CTNNAL1: variants seen among roughly 807,000 people sequenced by gnomAD.
CTNNAL1 encodes alpha-catulin.
Under a neutral mutation model 93.6 loss-of-function variants are expected in CTNNAL1, and 69 were observed. The ratio of observed to expected loss-of-function variants is 0.74; its 90% CI spans 0.61 to 0.90. CTNNAL1 has a LOEUF of 0.90. Among genes scored for constraint, CTNNAL1 ranks in the 40% least tolerant of loss-of-function variants. CTNNAL1 has a pLI of 0.00. For synonymous variants in CTNNAL1, 286 were observed against 305.4 expected (o/e 0.94, Z 0.66); for missense variants, 836 against 862.0 (o/e 0.97, Z 0.38).
intron 11 of CTNNAL1, among the ~76,000 whole-genome samples, chr9:108,958,085 CAA>C (rs903694050): frequency 4.6e-5 from 4 of 87,448 alleles, no homozygotes; most frequent in Admixed American, 1.2e-4. Flanking sequence ...AAAAAAAAAA[CAA>C]AGTGGGAAAG....
chr9:108,972,864 GA>G, intron 8 of CTNNAL1, 31 bp from the exon 9 acceptor site: 371 of 142,304 alleles, frequency 2.6e-3, no homozygotes, highest in Middle Eastern at 3.8e-3. Context: ...GGGGGGGTGG[GA>G]GGGTGGAGAA....
chr9:108,993,186 G>C (rs1479977734), intron 2 of CTNNAL1, among the ~76,000 whole-genome samples: 1 of 152,218 alleles, frequency 6.6e-6, no homozygotes, highest in Non-Finnish European at 1.5e-5. Context: ...GCAGTAAGCA[G>C]GTGCCAAGGC....
At chr9:108,964,842 T>TATTTA (rs1830911140) in intron 11 of CTNNAL1, among the ~76,000 whole-genome samples, 8 of 136,206 alleles carry the variant, frequency 5.9e-5, no homozygotes, top group African/African-American at 2.4e-4. Flanking sequence ...ATGCTGTTTG[T>TATTTA]TTTATTTATT....
chr9:109,010,892 T>C (rs1247762745), intron 1 of CTNNAL1, among the ~76,000 whole-genome samples: 1 of 152,220 alleles, frequency 6.6e-6, no homozygotes, highest in Non-Finnish European at 1.5e-5. Flanking sequence ...TCTGAGCTTT[T>C]AGAGTATGTA....
chr9:109,008,165 T>TC (rs1411500287), intron 1 of CTNNAL1, among the ~76,000 whole-genome samples: 2 of 144,210 alleles, frequency 1.4e-5, no homozygotes, highest in African/African-American at 5.1e-5. Context: ...TTTTTTTTTT[T>TC]TTTTTTTTTT....
At chr9:108,943,630 G>T in intron 17 of CTNNAL1, 73 bp downstream of exon 17, 1 of 1,300,190 alleles carries the variant, frequency 7.7e-7, no homozygotes, top group Non-Finnish European at 1.1e-6. Context: ...GGTACTAACA[G>T]TTTATTTGAA....
intron 1 of CTNNAL1, among the ~76,000 whole-genome samples, chr9:109,001,101 G>C (rs1339017658): frequency 6.6e-6 from 1 of 150,410 alleles, no homozygotes; most frequent in Non-Finnish European, 1.5e-5. Flanking sequence ...GAACCCAGGA[G>C]GTGGGTGTTG....
intron 11 of CTNNAL1, among the ~76,000 whole-genome samples, chr9:108,963,806 G>A (rs976646266): frequency 1.3e-5 from 2 of 152,198 alleles, no homozygotes; most frequent in African/African-American, 4.8e-5. Flanking sequence ...ATGCCCAGAA[G>A]TCGAAAGTAC....
At chr9:108,986,363 T>G (rs1046178886) in intron 4 of CTNNAL1, among the ~76,000 whole-genome samples, 2 of 148,622 alleles carry the variant, frequency 1.3e-5, no homozygotes, top group African/African-American at 4.9e-5. Context: ...GAACTCATCA[T>G]TTTTTATGGC....
Position 108,955,787 on chromosome 9 carries a change from T to C in CTNNAL1, c.1629+3A>G. 1 of 1,601,678 alleles carries C rather than the reference T, an allele frequency of 6.2e-7. No homozygotes were observed. The highest frequency in any genetic ancestry group is 1.7e-5 in the Admixed American group (1 of 58,520). On this transcript the variant is annotated splice_donor_region_variant and intron_variant, in intron 12 of 18. Coordinates refer to ENST00000325551, the MANE Select transcript of CTNNAL1 (RefSeq NM_003798.4). The stretch of plus-strand genomic sequence containing the variant: ...CTGCAATGTACATAATTCTTCTACT[T>C]ACCATTGGCTTTGGAAGTGAAAGGT...
chr9:108,992,150 C>G, intron 3 of CTNNAL1: 2 of 676,974 alleles, frequency 3.0e-6, no homozygotes, highest in East Asian at 2.6e-5. Flanking sequence ...TCATAGTGCT[C>G]ACCTTTTCTT....
chr9:109,001,444 G>A (rs1826825315), intron 1 of CTNNAL1, among the ~76,000 whole-genome samples: 1 of 152,170 alleles, frequency 6.6e-6, no homozygotes, highest in South Asian at 2.1e-4. Context: ...CTCCACATGA[G>A]TGTGGACTGG....
chr9:108,973,018 G>A (rs1345967574), intron 8 of CTNNAL1, among the ~76,000 whole-genome samples, 185 bp from the exon 9 acceptor site: 1 of 152,324 alleles, frequency 6.6e-6, no homozygotes, highest in African/African-American at 2.4e-5. Flanking sequence ...AGTTCCCTGT[G>A]TAACAGTAGG....
chr9:108,991,466 A>G (rs989685686), intron 3 of CTNNAL1, among the ~76,000 whole-genome samples: 4 of 152,364 alleles, frequency 2.6e-5, no homozygotes, highest in African/African-American at 9.6e-5. Flanking sequence ...CAAAGTAAAT[A>G]GATGTGAAAC....
chr9:108,996,133 T>C (rs1388460061), intron 2 of CTNNAL1, among the ~76,000 whole-genome samples: 1 of 152,018 alleles, frequency 6.6e-6, no homozygotes, highest in Non-Finnish European at 1.5e-5. Flanking sequence ...TGGCTATTTT[T>C]TTTTCTTATG....
In CTNNAL1 at chr9:108,990,744, C is replaced by CA. The variant is rs768131509; in HGVS notation, c.620dup (p.Ser208GlufsTer4). 1 of 1,613,146 alleles carries CA rather than the reference C, an allele frequency of 6.2e-7. No homozygotes were observed. Among genetic ancestry groups the CA allele is most frequent in the Non-Finnish European group, 8.5e-7 (1 of 1,179,738 alleles). On this transcript the variant is annotated frameshift_variant, in exon 4 of 19. Transcript: ENST00000325551. LOFTEE classifies it high-confidence loss of function. Reference sequence around the variant, plus strand: ...TACATACATTTTGTCTATCTCCACTCAGATGTGCAAACTCCACCATTTCAT... The same window carrying CA: ...TACATACATTTTGTCTATCTCCACTCAAGATGTGCAAACTCCACCATTTCAT...
chr9:108,988,815 C>T (rs969895690), intron 4 of CTNNAL1, among the ~76,000 whole-genome samples: 2 of 152,164 alleles, frequency 1.3e-5, no homozygotes, highest in African/African-American at 2.4e-5. Context: ...ATCCTCAACA[C>T]CTAGTGTAGT....
chr9:108,960,473 C>T (rs2132110612), intron 11 of CTNNAL1, among the ~76,000 whole-genome samples: 3 of 152,142 alleles, frequency 2.0e-5, no homozygotes, highest in Middle Eastern at 6.8e-3. Context: ...ATCCAATCTG[C>T]CAAACGATAA....
chr9:109,012,625 C>G (rs989641697), intron 1 of CTNNAL1, among the ~76,000 whole-genome samples: 4 of 152,214 alleles, frequency 2.6e-5, no homozygotes, highest in African/African-American at 9.7e-5. Context: ...CGGGACTTGG[C>G]AAAACGGTGT....
Sources: gnomAD v4.1 joint callset for allele counts (sites outside exome capture counted in the v4.1 genomes callset) on GRCh38, gnomAD v4.1.1 for gene constraint, MANE v1.5 for transcripts, NCBI Gene and HGNC (gene_info 2026-07-23, HGNC 2026-07-21) for gene names.